Variants in NIPBL observed in about 807,000 individuals in gnomAD.
NIPBL encodes NIPBL cohesin loading factor.
In NIPBL, 19 loss-of-function variants were observed where a neutral mutation model predicts 321.8. That is an observed-to-expected ratio of 0.06 (90% confidence interval 0.04 to 0.09). The LOEUF (loss-of-function observed/expected upper bound fraction) is 0.09, where lower values mean the gene tolerates loss of function less well. NIPBL is among the 10% of genes least tolerant of loss of function. NIPBL has a pLI of 1.00. For missense variants in NIPBL, 2,210 were observed against 3,327.0 expected (o/e 0.66, Z 8.26); for synonymous variants, 1,106 against 1,114.1 (o/e 0.99, Z 0.14).
intron 1 of NIPBL, among the ~76,000 whole-genome samples, chr5:36,933,830 G>A (rs759093773): frequency 6.6e-6 from 1 of 151,646 alleles, no homozygotes; most frequent in Non-Finnish European, 1.5e-5. Context: ...TTGTGGATCT[G>A]TTTTGGATTT....
intron 20 of NIPBL, among the ~76,000 whole-genome samples, chr5:37,009,246 A>T (rs1747806111): frequency 6.6e-6 from 1 of 152,144 alleles, no homozygotes; most frequent in South Asian, 2.1e-4. Context: ...AAAAAAAAAA[A>T]TAAAAAACAG....
At chr5:36,962,343 A>T (rs541963883) in intron 6 of NIPBL, 69 bp downstream of exon 6, 14 of 1,532,100 alleles carry the variant, frequency 9.1e-6, no homozygotes, top group Admixed American at 1.7e-5. Flanking sequence ...TTTGTTTTTT[A>T]AAATATAATT....
intron 6 of NIPBL, among the ~76,000 whole-genome samples, chr5:36,968,180 A>G (rs114498973): frequency 0.022 from 3,324 of 151,936 alleles, 126 homozygotes; most frequent in African/African-American, 0.077. Context: ...ATATGAATTG[A>G]TTAGTAGAAG....
intron 20 of NIPBL, 35 bp downstream of exon 20, chr5:37,008,758 G>T (rs993155630): frequency 3.9e-6 from 4 of 1,015,690 alleles, no homozygotes; most frequent in South Asian, 1.3e-5. Flanking sequence ...GTTTAATGAA[G>T]AACCACCATT....
intron 1 of NIPBL, among the ~76,000 whole-genome samples, chr5:36,885,055 T>G (rs771403499): frequency 3.3e-5 from 5 of 152,150 alleles, no homozygotes; most frequent in Non-Finnish European, 7.4e-5. Flanking sequence ...ATCTTTGGAT[T>G]TATTGCAGTT....
At chr5:36,952,018 C>CTGTGTGTGTGTG (rs60067315) in intron 1 of NIPBL, among the ~76,000 whole-genome samples, 2,207 of 101,670 alleles carry the variant, frequency 0.022, 41 homozygotes, top group East Asian at 0.052. Flanking sequence ...CTCTGTTAAA[C>CTGTGTGTGTGTG]TGTGTGTGTG....
rs141402922 is a variant in NIPBL at position 36,881,052 on chromosome 5, A to G, written c.-80+3874A>G. Among the ~76,000 whole-genome samples, 906 of 152,044 alleles carry G rather than the reference A, an allele frequency of 6.0e-3. 5 individuals are homozygous for G. Among genetic ancestry groups the G allele is most frequent in the Middle Eastern group, 0.02 (6 of 294 alleles). ...ACTGACACCATTTGTTACTTTTTCA[A>G]TTATCTAAGTTCAAAGTGCATTTTT... On this transcript the variant is annotated intron_variant, in intron 1 of 46. Coordinates refer to ENST00000282516, the MANE Select transcript of NIPBL (RefSeq NM_133433.4).
chr5:37,026,382 C>G, intron 31 of NIPBL, 55 bp downstream of exon 31: 1 of 949,892 alleles, frequency 1.1e-6, no homozygotes, highest in Non-Finnish European at 1.7e-6. Flanking sequence ...CTAATTGAGG[C>G]CTACATGTCT....
In NIPBL at chr5:36,899,846, C is replaced by G. The variant is rs1449995258; in HGVS notation, c.-80+22668C>G. Among the ~76,000 whole-genome samples, 9 of 152,258 alleles carry G rather than the reference C, an allele frequency of 5.9e-5. No individual in the cohort carries two copies. The East Asian group carries it at 1.7e-3, about 29-fold the overall frequency. ...TTGTTTTCAGTATACTGTTCTTGGACTTTATGACAGACTAGGGGTACTTAA... is the reference window on the plus strand; with the variant it reads ...TTGTTTTCAGTATACTGTTCTTGGAGTTTATGACAGACTAGGGGTACTTAA... On this transcript the variant is annotated intron_variant, in intron 1 of 46. Transcript: ENST00000282516.
chr5:36,972,023 A>C lies in NIPBL; in HGVS notation c.850A>C (p.Ser284Arg), dbSNP rs1298484995. 2 of 1,612,048 alleles carry C rather than the reference A, an allele frequency of 1.2e-6. No homozygotes were observed. The highest frequency in any genetic ancestry group is 1.3e-5 in the African/African-American group (1 of 74,888). The change falls in exon 8 of 47, where the codon AGT becomes CGT. Residue 284 changes from serine to arginine, a missense_variant. Physicochemically the swap from Ser to Arg is moderately radical, Grantham distance 110. Coordinates refer to ENST00000282516, the MANE Select transcript of NIPBL (RefSeq NM_133433.4). ...SPQPVCSPAG[S>R]EGTPKGSRPP... The stretch of plus-strand genomic sequence containing the variant: ...ACAGCCAGTATGCTCCCCTGCTGGA[A>C]GTGAAGGAACTCCTAAAGGTACTAC...
At chr5:37,013,349 A>AC (rs1397508990) in intron 21 of NIPBL, among the ~76,000 whole-genome samples, 8 of 140,372 alleles carry the variant, frequency 5.7e-5, no homozygotes, top group East Asian at 2.2e-4. Context: ...CGGGGGGCTG[A>AC]CCCCCCCACC....
chr5:36,954,439 G>T (rs527507535), intron 2 of NIPBL, among the ~76,000 whole-genome samples: 1 of 152,148 alleles, frequency 6.6e-6, no homozygotes, highest in African/African-American at 2.4e-5. Context: ...GGAAATAAGC[G>T]TAACTAGTTT....
intron 32 of NIPBL, among the ~76,000 whole-genome samples, chr5:37,035,162 G>A (rs755870608): frequency 3.3e-5 from 5 of 152,194 alleles, no homozygotes; most frequent in Admixed American, 6.5e-5. Flanking sequence ...GATGGCTCAC[G>A]CCTGTGGTCC....
chr5:36,958,069 A>G, intron 3 of NIPBL, 35 bp from the exon 4 acceptor site: 2 of 1,608,318 alleles, frequency 1.2e-6, no homozygotes, highest in Non-Finnish European at 1.7e-6. Flanking sequence ...ATCAGTCACC[A>G]TTTTAATTTT....
chr5:36,974,089 C>T (rs1227178777), intron 8 of NIPBL, among the ~76,000 whole-genome samples: 2 of 152,090 alleles, frequency 1.3e-5, no homozygotes, highest in Admixed American at 6.5e-5. Flanking sequence ...ATACATATCC[C>T]ACAAGTGTTG....
At chr5:36,891,890 C>T (rs1257076389) in intron 1 of NIPBL, among the ~76,000 whole-genome samples, 2 of 151,938 alleles carry the variant, frequency 1.3e-5, no homozygotes, top group Admixed American at 1.3e-4. Context: ...TTTAGTGATT[C>T]TATGTAGGTA....
rs1747962496 is a variant in NIPBL, at chr5:37,010,314, T to C, written c.4560+89T>C. 9.4e-6 allele frequency: 11 copies of C among 1,173,072 alleles called. No homozygotes were observed. In the Admixed American group the frequency reaches 1.6e-4, roughly 17 times the overall value. 72.7% of individuals were successfully genotyped at this position (1,173,072 alleles called of 1,614,324 possible). A position where few individuals can be genotyped will look rare whatever the true frequency, so the allele number is the denominator to read the frequency against. ...TCATTCTTATAAAACTGAAGTTCTT[T>C]TTTTTTCTTTCTTTTTTTTGAGACG... On this transcript the variant is annotated intron_variant, in intron 21 of 46. Coordinates refer to ENST00000282516, the MANE Select transcript of NIPBL (RefSeq NM_133433.4).
At chr5:36,997,158 A>G (rs148033127) in intron 11 of NIPBL, among the ~76,000 whole-genome samples, 39 of 152,222 alleles carry the variant, frequency 2.6e-4, no homozygotes, top group Non-Finnish European at 4.9e-4. Flanking sequence ...TAAAAGAAAC[A>G]TGGGGCCCAG....
Position 37,052,368 on chromosome 5 carries a change from G to A in NIPBL, c.7065G>A (p.Met2355Ile), listed in dbSNP as rs1753657132. Residue 2355 changes from methionine (M) to isoleucine (I), a missense_variant and splice_region_variant, in exon 42 of 47, where the codon ATG becomes ATA. By Grantham distance (10) the Met-to-Ile change is conservative. Transcript: ENST00000282516. ...AATGAGACTTTTATTGATTTCAGATGAAAGCAGTGGCTGGTATGAAGATGT... is the reference window on the plus strand; with the variant it reads ...AATGAGACTTTTATTGATTTCAGATAAAAGCAGTGGCTGGTATGAAGATGT... ...IDKKYAGFIH[M>I]KAVAGMKMSY... 6.2e-7 allele frequency: 1 copy of A among 1,613,310 alleles called. No individual in the cohort carries two copies. The highest frequency in any genetic ancestry group is 8.5e-7 in the Non-Finnish European group (1 of 1,179,396).
Sources: gnomAD v4.1 joint callset for allele counts (sites outside exome capture counted in the v4.1 genomes callset) on GRCh38, gnomAD v4.1.1 for gene constraint, MANE v1.5 for transcripts, NCBI Gene and HGNC (gene_info 2026-07-23, HGNC 2026-07-21) for gene names.